PTPRD: variants seen among roughly 807,000 people sequenced by gnomAD.
The protein encoded by PTPRD is protein tyrosine phosphatase receptor type D, also known as receptor-type tyrosine-protein phosphatase delta.
A neutral mutation model predicts 214.5 loss-of-function variants in PTPRD; 34 were observed. The observed-to-expected ratio is 0.16, with a 90% CI of 0.12 to 0.21. The LOEUF (loss-of-function observed/expected upper bound fraction) is 0.21, where lower values mean the gene tolerates loss of function less well. Among genes scored for constraint, PTPRD ranks in the 10% least tolerant of loss-of-function variants. The pLI is 1.00. For synonymous variants in PTPRD, 1,128 were observed against 845.7 expected (o/e 1.33, Z -5.79); for missense variants, 2,545 against 2,398.7 (o/e 1.06, Z -1.27).
intron 9 of PTPRD, among the ~76,000 whole-genome samples, chr9:9,223,154 C>T (rs1244425024): frequency 6.6e-6 from 1 of 151,936 alleles, no homozygotes; most frequent in Non-Finnish European, 1.5e-5. Context: ...TATAATATAG[C>T]TCTAAGTGGG....
intron 11 of PTPRD, among the ~76,000 whole-genome samples, chr9:8,744,400 A>G (rs1230326268): frequency 3.9e-5 from 6 of 152,234 alleles, no homozygotes; most frequent in African/African-American, 1.4e-4. Context: ...ACCAGCCCAA[A>G]TGCCCATCAA....
At chr9:10,546,018 T>A (rs1394121152) in intron 2 of PTPRD, among the ~76,000 whole-genome samples, 4 of 152,012 alleles carry the variant, frequency 2.6e-5, no homozygotes, top group Non-Finnish European at 5.9e-5. Flanking sequence ...ACATTTTTTT[T>A]AAAACCCTGA....
chr9:8,386,791 C>G (rs2087240313), intron 37 of PTPRD, among the ~76,000 whole-genome samples: 1 of 152,174 alleles, frequency 6.6e-6, no homozygotes, highest in Admixed American at 6.6e-5. Context: ...ATGCCTTCTC[C>G]TTTCTTCCCG....
At chr9:9,274,910 C>T (rs562994940) in intron 9 of PTPRD, among the ~76,000 whole-genome samples, 3 of 147,710 alleles carry the variant, frequency 2.0e-5, no homozygotes, top group African/African-American at 7.5e-5. Context: ...GTCACCATTA[C>T]ATATCTTTCT....
At chr9:9,243,210 G>T (rs529910794) in intron 9 of PTPRD, among the ~76,000 whole-genome samples, 1 of 152,156 alleles carries the variant, frequency 6.6e-6, no homozygotes. Flanking sequence ...TCTACCAGAG[G>T]TACAAGGAGG....
At chr9:9,220,799 T>C (rs2099955479) in intron 9 of PTPRD, among the ~76,000 whole-genome samples, 1 of 152,126 alleles carries the variant, frequency 6.6e-6, no homozygotes, top group African/African-American at 2.4e-5. Flanking sequence ...CACGGCCATT[T>C]TGTATTTTTA....
chr9:10,490,144 C>A (rs955251057), intron 2 of PTPRD, among the ~76,000 whole-genome samples: 1 of 152,070 alleles, frequency 6.6e-6, no homozygotes, highest in Non-Finnish European at 1.5e-5. Flanking sequence ...AGTGATCAAT[C>A]CACTAGGGAA....
chr9:8,330,676 G>C (rs1420055047), intron 44 of PTPRD, among the ~76,000 whole-genome samples: 4 of 150,660 alleles, frequency 2.7e-5, no homozygotes, highest in African/African-American at 9.7e-5. Context: ...CTGAAGTCCA[G>C]AGAAACTTCA....
chr9:8,986,177 G>C (rs1440683865), intron 11 of PTPRD, among the ~76,000 whole-genome samples: 2 of 152,002 alleles, frequency 1.3e-5, no homozygotes, highest in Non-Finnish European at 2.9e-5. Flanking sequence ...GTGCAGAACA[G>C]TTTTTGATTT....
intron 10 of PTPRD, among the ~76,000 whole-genome samples, chr9:9,158,391 G>C (rs2099883185): frequency 6.6e-6 from 1 of 152,048 alleles, no homozygotes; most frequent in Admixed American, 6.6e-5. Context: ...CACGAGGTCA[G>C]GAGTTCGAGA....
chr9:9,779,878 C>T (rs1386362726), intron 5 of PTPRD, among the ~76,000 whole-genome samples: 3 of 152,180 alleles, frequency 2.0e-5, no homozygotes, highest in Non-Finnish European at 4.4e-5. Flanking sequence ...AATAGAGCTA[C>T]CATTCAACCC....
intron 9 of PTPRD, among the ~76,000 whole-genome samples, chr9:9,261,363 T>C (rs2099980034): frequency 6.6e-6 from 1 of 152,018 alleles, no homozygotes; most frequent in Middle Eastern, 3.4e-3. Context: ...CCGATTTTAA[T>C]GTCCTTGAAT....
chr9:10,016,785 C>A (rs1027047455), intron 4 of PTPRD, among the ~76,000 whole-genome samples: 3 of 152,048 alleles, frequency 2.0e-5, no homozygotes, highest in Non-Finnish European at 4.4e-5. Flanking sequence ...CTACCTTGGC[C>A]TCCAAAGTAG....
At chr9:9,966,566 A>C (rs1286221445) in intron 4 of PTPRD, among the ~76,000 whole-genome samples, 1 of 152,188 alleles carries the variant, frequency 6.6e-6, no homozygotes, top group Non-Finnish European at 1.5e-5. Flanking sequence ...AAATCATTTT[A>C]AAAAGATATG....
intron 11 of PTPRD, among the ~76,000 whole-genome samples, chr9:8,806,662 C>A (rs2096688552): frequency 6.6e-6 from 1 of 152,136 alleles, no homozygotes; most frequent in Non-Finnish European, 1.5e-5. Flanking sequence ...CATACCTTGG[C>A]TGGCTTAAGA....
intron 5 of PTPRD, among the ~76,000 whole-genome samples, chr9:9,805,921 A>C: frequency 6.6e-6 from 1 of 152,206 alleles, no homozygotes; most frequent in East Asian, 1.9e-4. Context: ...AGAAGTACAA[A>C]AAAACATAAA....
chr9:10,503,137 A>C (rs1001319809), intron 2 of PTPRD, among the ~76,000 whole-genome samples: 3 of 137,324 alleles, frequency 2.2e-5, no homozygotes, highest in African/African-American at 7.8e-5. Context: ...CAGAATTAAA[A>C]GAATGGTTAT....
intron 14 of PTPRD, among the ~76,000 whole-genome samples, chr9:8,535,553 T>C (rs1028952975): frequency 5.3e-5 from 8 of 151,940 alleles, no homozygotes; most frequent in African/African-American, 1.9e-4. Flanking sequence ...CTGAAAACAC[T>C]GGAACCAACT....
At chr9:9,704,771 C>A (rs1270286408) in intron 7 of PTPRD, among the ~76,000 whole-genome samples, 2 of 152,170 alleles carry the variant, frequency 1.3e-5, no homozygotes, top group Non-Finnish European at 2.9e-5. Flanking sequence ...CCTGCTGTGC[C>A]TAGGCTACTA....
Sources: allele counts gnomAD v4.1 joint callset (sites outside exome capture counted in the v4.1 genomes callset), GRCh38; gene constraint gnomAD v4.1.1; transcripts MANE v1.5; gene names NCBI Gene and HGNC (gene_info 2026-07-23, HGNC 2026-07-21).